Variants in SLC39A14 observed in about 807,000 individuals in gnomAD.
SLC39A14 encodes the protein metal cation symporter ZIP14.
In SLC39A14, 19 loss-of-function variants were observed where a neutral mutation model predicts 45.5. The ratio of observed to expected loss-of-function variants is 0.42; its 90% confidence interval spans 0.29 to 0.61. The LOEUF is 0.61. Among genes scored for constraint, SLC39A14 ranks in the 20% least tolerant of loss-of-function variants. The pLI is 0.22. For synonymous variants in SLC39A14, 264 were observed against 251.3 expected, an observed-to-expected ratio of 1.05 and a Z score of -0.48; for missense variants, 447 against 616.5, an observed-to-expected ratio of 0.73 and a Z score of 2.91.
intron 1 of SLC39A14, among the ~76,000 whole-genome samples, chr8:22,370,144 G>T (rs987718879): frequency 6.6e-6 from 1 of 152,108 alleles, no homozygotes; most frequent in African/African-American, 2.4e-5. Flanking sequence ...GGTGGTGGGT[G>T]TGTGCTTGTG....
At chr8:22,409,004 A>G (rs1835401773) in intron 3 of SLC39A14, among the ~76,000 whole-genome samples, 1 of 151,658 alleles carries the variant, frequency 6.6e-6, no homozygotes, top group Non-Finnish European at 1.5e-5. Context: ...AATTTTTTGT[A>G]GAGACACGGT....
rs754992589 is a variant in SLC39A14 at position 22,419,671 on chromosome 8, G to T, written c.1452G>T (p.Met484Ile). 2.5e-6 allele frequency: 4 copies of T among 1,613,668 alleles called. No individual in the cohort carries two copies. Among genetic ancestry groups the T allele is most frequent in the Non-Finnish European group, 3.4e-6 (4 of 1,179,770 alleles). The change falls in exon 9 of 9, where the codon ATG becomes ATT. Residue 484 changes from methionine to isoleucine, a missense_variant. Met to Ile is a conservative substitution (Grantham distance 10). Around this residue, in one of 2 missense-constraint regions of SLC39A14, gnomAD observed 105 missense variants for 188.4 expected, o/e 0.56. Transcript: ENST00000381237. ...TCACCATCATGGTGGTCCTCACCAT[G>T]TATTCAGGACAGATCCAGATTGGGT... ...TGFTIMVVLT[M>I]YSGQIQIG
intron 8 of SLC39A14, among the ~76,000 whole-genome samples, chr8:22,419,225 C>T (rs1034683110): frequency 2.6e-5 from 4 of 152,162 alleles, no homozygotes; most frequent in South Asian, 2.1e-4. Context: ...CGCTCTGTTG[C>T]CCAGGCGGGA....
chr8:22,412,716 G>C (rs1202732746), intron 4 of SLC39A14, among the ~76,000 whole-genome samples: 2 of 152,166 alleles, frequency 1.3e-5, no homozygotes, highest in African/African-American at 4.8e-5. Context: ...GGCTGAGGCA[G>C]GTGGATCGTT....
chr8:22,375,035 C>T (rs769587364), intron 1 of SLC39A14, among the ~76,000 whole-genome samples: 3 of 151,176 alleles, frequency 2.0e-5, no homozygotes, highest in Admixed American at 6.6e-5. Flanking sequence ...CGTGAGCCAC[C>T]GCGCCTGGCC....
intron 1 of SLC39A14, among the ~76,000 whole-genome samples, chr8:22,392,492 C>T (rs1586678967): frequency 1.3e-5 from 2 of 152,202 alleles, no homozygotes; most frequent in Admixed American, 6.5e-5. Flanking sequence ...ATGGGGGTGA[C>T]GTAAGTGATG....
In SLC39A14 at chr8:22,412,097, G is replaced by T. The variant is rs1241616454; in HGVS notation, c.518G>T (p.Ser173Ile). ...VISLCSLLGA[S>I]VVPFMKKTFY... ...TCCCTCTGCTCCCTCCTGGGGGCCA[G>T]CGTGGTGCCCTTCATGAAGAAGACC... The change falls in exon 4 of 9, where the codon AGC becomes ATC. Residue 173 changes from serine (S) to isoleucine (I), a missense_variant. This residue lies in a region of SLC39A14 where 342 missense variants were observed against 428.1 expected (regional missense o/e 0.80). Transcript: ENST00000381237. 1 of 1,551,620 alleles carries T rather than the reference G, an allele frequency of 6.4e-7. No homozygotes were observed. The highest frequency in any genetic ancestry group is 2.0e-5 in the Admixed American group (1 of 51,008).
At chr8:22,416,382 C>A (rs753564813) in intron 7 of SLC39A14, 102 bp downstream of exon 7, 19 of 930,494 alleles carry the variant, frequency 2.0e-5, no homozygotes, top group Non-Finnish European at 3.0e-5. Flanking sequence ...CTTCACAGTG[C>A]TTATTGTAAC....
rs370740671 is a variant in SLC39A14, at chr8:22,404,937, G to A, written c.227G>A (p.Gly76Asp). The A allele has an allele frequency of 6.2e-7, 1 of 1,614,180 alleles. No homozygotes were observed. Among genetic ancestry groups the A allele is most frequent in the Non-Finnish European group, 8.5e-7 (1 of 1,180,032 alleles). The stretch of plus-strand genomic sequence containing the variant: ...CACCTGGATGTGGGAGTGGGCCGGG[G>A]TAATGTCACCCAGCACGTGCAAGGA... ...LNHLDVGVGR[G>D]NVTQHVQGHR... The change falls in exon 2 of 9, where the codon GGT becomes GAT. Residue 76 changes from glycine to aspartate, a missense_variant. Transcript: ENST00000381237.
chr8:22,431,705 C>T (rs566742750), intron 8 of SLC39A14, among the ~76,000 whole-genome samples: 7 of 152,282 alleles, frequency 4.6e-5, no homozygotes, highest in African/African-American at 1.2e-4. Flanking sequence ...TTTATGTCTT[C>T]TGACTGACCA....
chr8:22,391,626 A>C (rs1004561308), intron 1 of SLC39A14, among the ~76,000 whole-genome samples: 2 of 150,746 alleles, frequency 1.3e-5, no homozygotes, highest in African/African-American at 4.9e-5. Context: ...GGTGGAGTGC[A>C]GTGGCGCGAT....
At chr8:22,372,342 A>G (rs1832982598) in intron 1 of SLC39A14, among the ~76,000 whole-genome samples, 1 of 152,162 alleles carries the variant, frequency 6.6e-6, no homozygotes, top group Admixed American at 6.5e-5. Context: ...TTTAAACATC[A>G]TTCAGCACCT....
At chr8:22,370,155 TGTGTGTGTGCACATCTGTGC>T in intron 1 of SLC39A14, among the ~76,000 whole-genome samples, 1 of 152,096 alleles carries the variant, frequency 6.6e-6, no homozygotes, top group African/African-American at 2.4e-5. Context: ...TGTGCTTGTG[TGTGTGTGTGCACATCTGTGC>T]ACATGTGCGT....
chr8:22,425,106 G>A (rs1436857087), downstream of SLC39A14, among the ~76,000 whole-genome samples: 1 of 151,502 alleles, frequency 6.6e-6, no homozygotes, highest in Non-Finnish European at 1.5e-5. Flanking sequence ...ACTTTCCATG[G>A]TGAGCAGTTC....
intron 1 of SLC39A14, among the ~76,000 whole-genome samples, chr8:22,381,438 T>C (rs1346527706): frequency 2.0e-5 from 3 of 150,780 alleles, no homozygotes; most frequent in Non-Finnish European, 4.4e-5. Flanking sequence ...GCCTGGCTAA[T>C]GTTTTGTATT....
chr8:22,433,077 TAC>T (rs1368558911), intron 8 of SLC39A14, among the ~76,000 whole-genome samples: 1 of 152,062 alleles, frequency 6.6e-6, no homozygotes, highest in African/African-American at 2.4e-5. Flanking sequence ...GTGCTGGGAT[TAC>T]AGTCATGAGC....
At chr8:22,386,658 A>G (rs1468665599) in intron 1 of SLC39A14, among the ~76,000 whole-genome samples, 1 of 152,246 alleles carries the variant, frequency 6.6e-6, no homozygotes, top group African/African-American at 2.4e-5. Context: ...GGGGACTCTG[A>G]CAGAACAGAG....
downstream of SLC39A14, among the ~76,000 whole-genome samples, chr8:22,425,028 C>CAAAAAAAAA (rs71544902): frequency 1.3e-5 from 1 of 74,342 alleles, no homozygotes; most frequent in Non-Finnish European, 2.7e-5. Flanking sequence ...GACTCCGTCT[C>CAAAAAAAAA]AAAAAAAAAA....
At chr8:22,376,458 T>C (rs1833224172) in intron 1 of SLC39A14, among the ~76,000 whole-genome samples, 1 of 151,598 alleles carries the variant, frequency 6.6e-6, no homozygotes, top group Non-Finnish European at 1.5e-5. Context: ...GTTGGGATTA[T>C]AGGCGTGAGC....
Sources: allele counts gnomAD v4.1 joint callset (sites outside exome capture counted in the v4.1 genomes callset), GRCh38; gene constraint gnomAD v4.1.1; regional missense constraint gnomAD v4.1.1; transcripts MANE v1.5; gene names NCBI Gene and HGNC (gene_info 2026-07-23, HGNC 2026-07-21).